The following MRPS5 variants were observed in gnomAD, a reference collection of about 807,000 sequenced individuals.
MRPS5 encodes mitochondrial ribosomal protein S5, also known as small ribosomal subunit protein uS5m.
Under a neutral mutation model 51.9 loss-of-function variants are expected in MRPS5, and 27 were observed. That is an observed-to-expected ratio of 0.52 (90% CI 0.38 to 0.72). The LOEUF (loss-of-function observed/expected upper bound fraction) is 0.72, where lower values mean the gene tolerates loss of function less well. Among genes scored for constraint, MRPS5 ranks in the 30% least tolerant of loss-of-function variants. The probability of loss-of-function intolerance (pLI) is 0.00; values close to 1 mark genes in which losing one functional copy is unlikely to be tolerated. For synonymous variants in MRPS5, 196 were observed against 193.2 expected (o/e 1.01, Z -0.12); for missense variants, 570 against 545.7 (o/e 1.04, Z -0.44).
intron 10 of MRPS5, among the ~76,000 whole-genome samples, chr2:95,097,035 T>C (rs1675647409): frequency 6.6e-6 from 1 of 152,176 alleles, no homozygotes; most frequent in Non-Finnish European, 1.5e-5. Flanking sequence ...AGCATTCTTA[T>C]ACACCAATAA....
Position 95,087,300 on chromosome 2 carries a change from C to G in MRPS5, c.*57G>C. The G allele has an allele frequency of 7.2e-7, 1 of 1,395,872 alleles. No individual in the cohort carries two copies. Among genetic ancestry groups the G allele is most frequent in the Non-Finnish European group, 1.0e-6 (1 of 993,902 alleles). 86.5% of individuals were successfully genotyped at this position (1,395,872 alleles called of 1,614,324 possible). A position where few individuals can be genotyped will look rare whatever the true frequency, so the allele number is the denominator to read the frequency against. ...AGGTAACATCCCAAGCTGTGAGGGGCTGAGTCTCTCCTAGGTGCAGGGCAG... is the reference window on the plus strand; with the variant it reads ...AGGTAACATCCCAAGCTGTGAGGGGGTGAGTCTCTCCTAGGTGCAGGGCAG... On this transcript the variant is annotated 3_prime_UTR_variant, in exon 12 of 12. Coordinates refer to ENST00000272418, the MANE Select transcript of MRPS5 (RefSeq NM_031902.5).
rs907283047 is a variant in MRPS5, at chr2:95,087,306, C to A, written c.*51G>T. 6.8e-7 allele frequency: 1 copy of A among 1,462,532 alleles called. No homozygotes were observed. Among genetic ancestry groups the A allele is most frequent in the Admixed American group, 1.8e-5 (1 of 55,482 alleles). 90.6% of individuals were successfully genotyped at this position (1,462,532 alleles called of 1,614,324 possible). A position where few individuals can be genotyped will look rare whatever the true frequency, so the allele number is the denominator to read the frequency against. Reference sequence around the variant, plus strand: ...CATCCCAAGCTGTGAGGGGCTGAGTCTCTCCTAGGTGCAGGGCAGCACAGG... The same window carrying A: ...CATCCCAAGCTGTGAGGGGCTGAGTATCTCCTAGGTGCAGGGCAGCACAGG... On this transcript the variant is annotated 3_prime_UTR_variant, in exon 12 of 12. Coordinates refer to ENST00000272418, the MANE Select transcript of MRPS5 (RefSeq NM_031902.5).
In MRPS5 at chr2:95,121,778, A is replaced by C; in HGVS notation, c.14T>G (p.Val5Gly). Reference protein sequence around the residue: MATAVRAVGCLPVLC... With the variant: MATAGRAVGCLPVLC... ...CACGGGGAGGCAGCCCACAGCGCGC[A>C]CCGCGGTCGCCATGCTGGAGTCCGA... The change falls in exon 1 of 12, where the codon GTG becomes GGG. Residue 5 changes from valine to glycine, a missense_variant. Coordinates refer to ENST00000272418, the MANE Select transcript of MRPS5 (RefSeq NM_031902.5). 6.4e-7 allele frequency: 1 copy of C among 1,550,990 alleles called. No individual in the cohort carries two copies. Among genetic ancestry groups the C allele is most frequent in the Non-Finnish European group, 8.6e-7 (1 of 1,157,940 alleles).
At chr2:95,101,606 T>C in intron 8 of MRPS5, 71 bp downstream of exon 8, 2 of 1,205,474 alleles carry the variant, frequency 1.7e-6, no homozygotes, top group Non-Finnish European at 2.3e-6. Flanking sequence ...TGTTTTGTGG[T>C]TCCCACTGTG....
chr2:95,108,237 C>T lies in MRPS5; in HGVS notation c.575G>A (p.Gly192Glu), dbSNP rs781723068. Residue 192 changes from glycine to glutamate, a missense_variant, in exon 5 of 12, where the codon GGA becomes GAA. Coordinates refer to ENST00000272418, the MANE Select transcript of MRPS5 (RefSeq NM_031902.5). ...GCCTCCCCATGAGTTTCCACTCCATCCTCGCTCCCGTTTAACCTTCATCTT... is the reference window on the plus strand; with the variant it reads ...GCCTCCCCATGAGTTTCCACTCCATTCTCGCTCCCGTTTAACCTTCATCTT... Reference protein sequence around the residue: ...KKKMKVKRERGWSGNSWGGIS... With the variant: ...KKKMKVKREREWSGNSWGGIS... 4 of 1,614,146 alleles carry T rather than the reference C, an allele frequency of 2.5e-6. No homozygotes were observed. In the African/African-American group the frequency reaches 4.0e-5, roughly 16 times the overall value.
chr2:95,087,202 AC>A lies in MRPS5; in HGVS notation c.*154del. 1 of 603,078 alleles carries A rather than the reference AC, an allele frequency of 1.7e-6. No individual in the cohort carries two copies. The highest frequency in any genetic ancestry group is 2.2e-5 in the South Asian group (1 of 45,578). 37.4% of individuals were successfully genotyped at this position (603,078 alleles called of 1,614,324 possible). On this transcript the variant is annotated 3_prime_UTR_variant, in exon 12 of 12. Transcript: ENST00000272418. ...CACATTGGCATATAACATGTGCTCA[AC>A]AAATGAAAGCTATAATTATTTATTT... is the stretch of plus-strand genomic sequence containing the variant.
chr2:95,106,615 A>T, intron 5 of MRPS5, 158 bp from the exon 6 acceptor site: 1 of 652,300 alleles, frequency 1.5e-6, no homozygotes. Context: ...ACCCCTCATC[A>T]CTAGAGACTG....
chr2:95,087,268 A>G lies in MRPS5; in HGVS notation c.*89T>C. ...GATTAAACTTCCCTCAAAACAAACA[A>G]AAGGCAAGGTAACATCCCAAGCTGT... On this transcript the variant is annotated 3_prime_UTR_variant, in exon 12 of 12. Coordinates refer to ENST00000272418, the MANE Select transcript of MRPS5 (RefSeq NM_031902.5). 1.0e-6 allele frequency: 1 copy of G among 974,316 alleles called. No homozygotes were observed. Among genetic ancestry groups the G allele is most frequent in the Non-Finnish European group, 1.6e-6 (1 of 644,660 alleles). 60.4% of individuals were successfully genotyped at this position (974,316 alleles called of 1,614,324 possible).
chr2:95,102,478 A>G, intron 7 of MRPS5, among the ~76,000 whole-genome samples: 1 of 152,214 alleles, frequency 6.6e-6, no homozygotes, highest in East Asian at 1.9e-4. Context: ...CCCGGGCAAC[A>G]TAGTGAGAAT....
intron 7 of MRPS5, chr2:95,102,023 G>A (rs1675818403): frequency 3.7e-6 from 1 of 272,762 alleles, no homozygotes; most frequent in African/African-American, 2.2e-5. Context: ...AGCCAGGCAT[G>A]CTGGTGCATG....
intron 7 of MRPS5, among the ~76,000 whole-genome samples, chr2:95,103,038 T>C (rs988840151): frequency 1.3e-5 from 2 of 152,134 alleles, no homozygotes; most frequent in Admixed American, 1.3e-4. Context: ...TAGAGGAAAA[T>C]ATGGGGAAAC....
intron 5 of MRPS5, among the ~76,000 whole-genome samples, chr2:95,107,034 A>G (rs1229343022): frequency 6.6e-6 from 1 of 152,124 alleles, no homozygotes; most frequent in Non-Finnish European, 1.5e-5. Flanking sequence ...TCAGTTCACC[A>G]CTGCAGCCAT....
At position 95,090,471 on chromosome 2, in the gene MRPS5, C is replaced by T. The variant is rs1338201502; in HGVS notation, c.983G>A (p.Gly328Asp). 6.2e-7 allele frequency: 1 copy of T among 1,614,010 alleles called. No individual in the cohort carries two copies. The highest frequency in any genetic ancestry group is 8.5e-7 in the Non-Finnish European group (1 of 1,180,024). Reference sequence around the variant, plus strand: ...GACCTTGGCATACATGTCTTTGATGCCAATGAGCCGGCAGATGGTGATGAT... The same window carrying T: ...GACCTTGGCATACATGTCTTTGATGTCAATGAGCCGGCAGATGGTGATGAT... ...RAIITICRLI[G>D]IKDMYAKVSG... The change falls in exon 11 of 12, where the codon GGC becomes GAC. Residue 328 changes from glycine to aspartate, a missense_variant. Physicochemically the swap from Gly to Asp is moderately conservative, Grantham distance 94. Transcript: ENST00000272418.
intron 2 of MRPS5, among the ~76,000 whole-genome samples, chr2:95,115,482 G>A (rs911655767): frequency 6.6e-6 from 1 of 152,166 alleles, no homozygotes; most frequent in Admixed American, 6.5e-5. Context: ...CACTGCATTC[G>A]CTAACCTAGG....
At chr2:95,092,856 T>TGGG (rs1675507807) in intron 10 of MRPS5, 1 of 152,228 alleles carries the variant, frequency 6.6e-6, no homozygotes, top group South Asian at 2.1e-4. Flanking sequence ...TTCATCTCAC[T>TGGG]GGGACTGGTT....
rs1382126715 is a variant in MRPS5, at chr2:95,086,793, A to G, written c.*564T>C. Among the ~76,000 whole-genome samples the G allele has an allele frequency of 6.6e-6, 1 of 152,180 alleles. No individual in the cohort carries two copies. Among genetic ancestry groups the G allele is most frequent in the Non-Finnish European group, 1.5e-5 (1 of 68,038 alleles). On this transcript the variant is annotated 3_prime_UTR_variant, in exon 12 of 12. Coordinates refer to ENST00000272418, the MANE Select transcript of MRPS5 (RefSeq NM_031902.5). Reference sequence around the variant, plus strand: ...ACATTTCTCCAAAAAACATATACAAATGGCCAATCAGCACATGAAAAGATG... The same window carrying G: ...ACATTTCTCCAAAAAACATATACAAGTGGCCAATCAGCACATGAAAAGATG...
chr2:95,102,613 G>C (rs1675836893), intron 7 of MRPS5, among the ~76,000 whole-genome samples: 1 of 152,030 alleles, frequency 6.6e-6, no homozygotes, highest in Non-Finnish European at 1.5e-5. Flanking sequence ...AGTAAGCCTT[G>C]ATGGTGCAAC....
At position 95,121,235 on chromosome 2, in the gene MRPS5, T is replaced by C. The variant is rs184034627; in HGVS notation, c.58+499A>G. On this transcript the variant is annotated intron_variant, in intron 1 of 11. Coordinates refer to ENST00000272418, the MANE Select transcript of MRPS5 (RefSeq NM_031902.5). Reference sequence around the variant, plus strand: ...AGGTCAAAGATTGCAGCTAAATGAGTTTTAAAATACACATATTCGGGCTCT... The same window carrying C: ...AGGTCAAAGATTGCAGCTAAATGAGCTTTAAAATACACATATTCGGGCTCT... 8.6e-5 allele frequency among the ~76,000 whole-genome samples: 13 copies of C among 151,954 alleles called. No homozygotes were observed. In the East Asian group the frequency reaches 2.5e-3, roughly 29 times the overall value.
Position 95,086,002 on chromosome 2 carries a change from T to G in MRPS5, c.*1355A>C, listed in dbSNP as rs891579738. Among the ~76,000 whole-genome samples, 2 of 151,800 alleles carry G rather than the reference T, an allele frequency of 1.3e-5. No individual in the cohort carries two copies. The highest frequency in any genetic ancestry group is 2.9e-5 in the Non-Finnish European group (2 of 67,970). On this transcript the variant is annotated 3_prime_UTR_variant, in exon 12 of 12. Transcript: ENST00000272418. ...AAGGCTCACTGCAGCCTCAACCTCC[T>G]GCAATCAAATGATCCTCCCACTTCA...
Sources: gnomAD v4.1 joint callset for allele counts (sites outside exome capture counted in the v4.1 genomes callset) on GRCh38, gnomAD v4.1.1 for gene constraint, MANE v1.5 for transcripts, NCBI Gene and HGNC (gene_info 2026-07-23, HGNC 2026-07-21) for gene names.